ANKRD30BL: variants seen among roughly 807,000 people sequenced by gnomAD.
The protein encoded by ANKRD30BL is ankyrin repeat domain 30B like, also known as putative ankyrin repeat domain-containing protein 30B-like.
Under a neutral mutation model 18.4 loss-of-function variants are expected in ANKRD30BL, and 20 were observed. The ratio of observed to expected loss-of-function variants is 1.09; its 90% CI spans 0.77 to 1.58. The LOEUF (loss-of-function observed/expected upper bound fraction) is 1.58, where lower values mean the gene tolerates loss of function less well. Ranked by LOEUF, ANKRD30BL falls within the 40% of genes most tolerant of loss-of-function variation. The probability of loss-of-function intolerance (pLI) is 0.00; values close to 1 mark genes in which losing one functional copy is unlikely to be tolerated. For missense variants in ANKRD30BL, 224 were observed against 268.6 expected (o/e 0.83, Z 1.16); for synonymous variants, 72 against 100.9 (o/e 0.71, Z 1.72).
intron 1 of ANKRD30BL, among the ~76,000 whole-genome samples, chr2:132,247,632 C>T (rs1680540185): frequency 6.6e-6 from 1 of 151,676 alleles, no homozygotes; most frequent in African/African-American, 2.4e-5. Flanking sequence ...ATATATACCA[C>T]TGCAGATACT....
chr2:132,222,083 G>A (rs1272630384), intron 1 of ANKRD30BL, among the ~76,000 whole-genome samples: 4 of 146,244 alleles, frequency 2.7e-5, no homozygotes, highest in African/African-American at 5.3e-5. Flanking sequence ...CGGGAGGGAG[G>A]TCGGGGGGTC....
chr2:132,250,722 G>A (rs1291866588), intron 1 of ANKRD30BL, among the ~76,000 whole-genome samples: 1 of 152,134 alleles, frequency 6.6e-6, no homozygotes, highest in Non-Finnish European at 1.5e-5. Context: ...CTCAGATCCA[G>A]AATTTTTTCA....
chr2:132,232,558 T>A (rs1267272466), intron 1 of ANKRD30BL, among the ~76,000 whole-genome samples: 1 of 152,030 alleles, frequency 6.6e-6, no homozygotes, highest in Non-Finnish European at 1.5e-5. Context: ...CAGGAGCTGA[T>A]GCAATCAACT....
At chr2:132,247,225 T>A (rs1354603192) in intron 1 of ANKRD30BL, among the ~76,000 whole-genome samples, 1 of 151,988 alleles carries the variant, frequency 6.6e-6, no homozygotes, top group Non-Finnish European at 1.5e-5. Context: ...AGTTGAACAT[T>A]CCCTTTCATG....
chr2:132,204,388 A>G (rs911861678), intron 1 of ANKRD30BL, among the ~76,000 whole-genome samples: 1 of 151,974 alleles, frequency 6.6e-6, no homozygotes, highest in African/African-American at 2.4e-5. Context: ...GTGTGTGTGT[A>G]TATAAATATA....
chr2:132,199,667 C>T (rs10183874), intron 1 of ANKRD30BL, among the ~76,000 whole-genome samples: 3,553 of 151,908 alleles, frequency 0.023, 127 homozygotes, highest in African/African-American at 0.081. Context: ...CCACCACAGA[C>T]GGTTAATTTT....
At chr2:132,163,970 G>A (rs574188091), upstream of ANKRD30BL, among the ~76,000 whole-genome samples, 2 of 152,220 alleles carry the variant, frequency 1.3e-5, no homozygotes, top group Non-Finnish European at 2.9e-5. Flanking sequence ...TAAATGTAAT[G>A]TGTGTAAGTG....
chr2:132,223,535 A>G (rs980435341), intron 1 of ANKRD30BL, among the ~76,000 whole-genome samples: 8 of 152,110 alleles, frequency 5.3e-5, no homozygotes, highest in Non-Finnish European at 1.0e-4. Context: ...ATAACATTTC[A>G]TTGAGCAGTT....
At chr2:132,166,977 T>C (rs1202288982) in intron 1 of ANKRD30BL, among the ~76,000 whole-genome samples, 9 of 151,778 alleles carry the variant, frequency 5.9e-5, no homozygotes, top group African/African-American at 2.2e-4. Flanking sequence ...TTTTAATAAG[T>C]TGTGATTTCA....
At chr2:132,149,438 C>G (rs555096201) in intron 5 of ANKRD30BL, among the ~76,000 whole-genome samples, 7 of 152,224 alleles carry the variant, frequency 4.6e-5, no homozygotes, top group African/African-American at 1.2e-4. Context: ...AATAGTGAGA[C>G]CTTGTTGGTA....
intron 1 of ANKRD30BL, among the ~76,000 whole-genome samples, chr2:132,229,742 C>T (rs1420339013): frequency 6.6e-6 from 1 of 151,910 alleles, no homozygotes. Context: ...GTAGAAACTG[C>T]AAGTGGACAT....
At chr2:132,222,833 A>T (rs1038824680) in intron 1 of ANKRD30BL, among the ~76,000 whole-genome samples, 68 of 14,834 alleles carry the variant, frequency 4.6e-3, no homozygotes, top group African/African-American at 0.014. Flanking sequence ...AATGATCAAT[A>T]AAAAAAAAAA....
At chr2:132,195,067 T>G (rs2104741456) in intron 1 of ANKRD30BL, among the ~76,000 whole-genome samples, 1 of 152,188 alleles carries the variant, frequency 6.6e-6, no homozygotes, top group South Asian at 2.1e-4. Context: ...GACAGATGGG[T>G]TAGTAGAACA....
chr2:132,205,040 T>C (rs1337120517), intron 1 of ANKRD30BL, among the ~76,000 whole-genome samples: 2 of 152,216 alleles, frequency 1.3e-5, no homozygotes, highest in Non-Finnish European at 2.9e-5. Flanking sequence ...TCCAAAGTGC[T>C]GTGGGAATTT....
At chr2:132,202,132 G>A (rs1487527112) in intron 1 of ANKRD30BL, among the ~76,000 whole-genome samples, 5 of 151,504 alleles carry the variant, frequency 3.3e-5, no homozygotes, top group Admixed American at 2.0e-4. Flanking sequence ...TCACACACTG[G>A]GGCCTGTTGT....
chr2:132,239,047 G>T lies in ANKRD30BL; in HGVS notation n.441+18482C>A, dbSNP rs567106440. Among the ~76,000 whole-genome samples the T allele has an allele frequency of 3.0e-3, 462 of 152,218 alleles. 4 individuals are homozygous for T. The highest frequency in any genetic ancestry group is 0.011 in the African/African-American group (444 of 41,564). ...ACTGTTGAACATGGATTTTCATAGA[G>T]CAGTTTTGAAACACTCCTTTTGTAG... On this transcript the variant is annotated intron_variant and non_coding_transcript_variant, in intron 1 of 4. Coordinates refer to the ANKRD30BL transcript ENST00000470729.
rs575417704 is a variant in ANKRD30BL, at chr2:132,147,916, C to G, written c.*215G>C. ...CTAAAGACAAAGCAGGTGTTAGAGGCTAGAAGGGGGCTGTTTAATGAAACT... is the reference window on the plus strand; with the variant it reads ...CTAAAGACAAAGCAGGTGTTAGAGGGTAGAAGGGGGCTGTTTAATGAAACT... On this transcript the variant is annotated 3_prime_UTR_variant, in exon 6 of 6. Coordinates refer to ENST00000409867, the MANE Select transcript of ANKRD30BL (RefSeq NM_001358416.1). 1.9e-6 allele frequency: 1 copy of G among 517,694 alleles called. No homozygotes were observed. The highest frequency in any genetic ancestry group is 3.5e-6 in the Non-Finnish European group (1 of 285,276). The allele number at this position is 517,694 out of a possible 1,614,324, so 32.1% of individuals were successfully genotyped here.
intron 1 of ANKRD30BL, among the ~76,000 whole-genome samples, chr2:132,254,056 AC>A (rs1680747351): frequency 7.5e-6 from 1 of 132,886 alleles, no homozygotes; most frequent in Admixed American, 7.6e-5. Context: ...GCCGAGAACC[AC>A]CCCCGCGCCC....
intron 1 of ANKRD30BL, among the ~76,000 whole-genome samples, chr2:132,255,792 C>T (rs1355636810): frequency 1.3e-5 from 2 of 152,132 alleles, no homozygotes; most frequent in African/African-American, 4.8e-5. Flanking sequence ...CCCTGTCACC[C>T]GTGGTCACCA....
Sources: allele counts gnomAD v4.1 joint callset (sites outside exome capture counted in the v4.1 genomes callset), GRCh38; gene constraint gnomAD v4.1.1; transcripts MANE v1.5; gene names NCBI Gene and HGNC (gene_info 2026-07-23, HGNC 2026-07-21).